Variants in KAZN observed in about 807,000 individuals in gnomAD.
The protein encoded by KAZN is kazrin, periplakin interacting protein, also known as kazrin.
A neutral mutation model predicts 87.4 loss-of-function variants in KAZN; 40 were observed. The observed-to-expected ratio is 0.46, with a 90% CI of 0.36 to 0.60. The LOEUF (loss-of-function observed/expected upper bound fraction) is 0.60, where lower values mean the gene tolerates loss of function less well. KAZN is among the 20% of genes least tolerant of loss of function. The pLI is 0.00. For synonymous variants in KAZN, 466 were observed against 458.3 expected (o/e 1.02, Z -0.22); for missense variants, 898 against 1,073.9 (o/e 0.84, Z 2.29).
intron 1 of KAZN, among the ~76,000 whole-genome samples, chr1:14,047,904 G>GGAAA (rs1177846699): frequency 1.3e-5 from 2 of 151,408 alleles, no homozygotes; most frequent in African/African-American, 2.4e-5. Context: ...AAAGAAGGAA[G>GGAAA]GAAAGAAAGA....
At chr1:14,474,731 T>C (rs979543503) in intron 2 of KAZN, among the ~76,000 whole-genome samples, 1 of 152,096 alleles carries the variant, frequency 6.6e-6, no homozygotes, top group Non-Finnish European at 1.5e-5. Flanking sequence ...AGCATGGAAG[T>C]AGGAATACCA....
intron 2 of KAZN, among the ~76,000 whole-genome samples, chr1:14,418,284 AT>A (rs1311424267): frequency 1.3e-5 from 2 of 152,130 alleles, no homozygotes; most frequent in South Asian, 4.1e-4. Context: ...CTGGCAGGCT[AT>A]CTAACCTCTC....
In KAZN at chr1:15,101,889, C is replaced by CCAT. The variant is rs1553190267; in HGVS notation, c.1779+117_1779+119dup. ...CCCGTCTATCCATCTGTCCACCCATCCATCCATCATCCAGCCATCCATTTA... is the reference window on the plus strand; with the variant it reads ...CCCGTCTATCCATCTGTCCACCCATCCATCATCCATCATCCAGCCATCCATTTA... On this transcript the variant is annotated intron_variant, in intron 11 of 14. Transcript: ENST00000376030. 3 of 688,340 alleles carry CCAT rather than the reference C, an allele frequency of 4.4e-6. No individual in the cohort carries two copies. In the East Asian group the frequency reaches 8.1e-5, roughly 19 times the overall value. 42.6% of individuals were successfully genotyped at this position (688,340 alleles called of 1,614,324 possible). A position where few individuals can be genotyped will look rare whatever the true frequency, so the allele number is the denominator to read the frequency against.
intron 2 of KAZN, among the ~76,000 whole-genome samples, chr1:14,269,266 A>G (rs1324142396): frequency 6.6e-6 from 1 of 152,090 alleles, no homozygotes; most frequent in Non-Finnish European, 1.5e-5. Context: ...ATTTCGTGGG[A>G]TGGGTGGTGA....
At chr1:14,836,207 C>T (rs1372810210) in intron 1 of KAZN, among the ~76,000 whole-genome samples, 2 of 152,142 alleles carry the variant, frequency 1.3e-5, no homozygotes, top group Admixed American at 1.3e-4. Context: ...ACTCCAGGTC[C>T]CCTGGGCAGG....
rs199730203 is a variant in KAZN, at chr1:15,056,546, G to T, written c.916+266G>T. Among the ~76,000 whole-genome samples, 1 of 103,338 alleles carries T rather than the reference G, an allele frequency of 9.7e-6. No individual in the cohort carries two copies. Among genetic ancestry groups the T allele is most frequent in the Non-Finnish European group, 2.1e-5 (1 of 46,770 alleles). The allele number at this position is 103,338 out of a possible 152,430, so 67.8% of individuals were successfully genotyped here. A position where few individuals can be genotyped will look rare whatever the true frequency, so the allele number is the denominator to read the frequency against. On this transcript the variant is annotated intron_variant, in intron 5 of 14. Coordinates refer to ENST00000376030, the MANE Select transcript of KAZN (RefSeq NM_201628.3). The surrounding 1 kb of genome is among the most constrained non-coding windows in gnomAD (Gnocchi z 5.4). ...CTCCTTTTGGCCTCATCTTCAGGCT[G>T]TCTCTTTCAGCAAGAAAGTAAAATA... is the stretch of plus-strand genomic sequence containing the variant.
intron 1 of KAZN, among the ~76,000 whole-genome samples, chr1:14,725,626 A>C (rs1430100245): frequency 6.6e-6 from 1 of 152,182 alleles, no homozygotes; most frequent in African/African-American, 2.4e-5. Flanking sequence ...CTAAGAGTGC[A>C]GGAGGGTGTT....
chr1:14,455,633 T>C (rs903320383), intron 2 of KAZN, among the ~76,000 whole-genome samples: 3 of 152,230 alleles, frequency 2.0e-5, no homozygotes, highest in African/African-American at 7.2e-5. Flanking sequence ...ACCTGGCATG[T>C]GGTGTTCCAG....
rs182217322 is a variant in KAZN at position 14,927,103 on chromosome 1, C to T, written c.227-33581C>T. ...TCCGCACCTGCTTCTGCCTCGATTG[C>T]GTTTTACTCTGAGATGTTCCACAAC... On this transcript the variant is annotated intron_variant, in intron 1 of 14. Coordinates refer to ENST00000376030, the MANE Select transcript of KAZN (RefSeq NM_201628.3). Among the ~76,000 whole-genome samples, 407 of 152,284 alleles carry T rather than the reference C, an allele frequency of 2.7e-3. 2 individuals are homozygous for T. The highest frequency in any genetic ancestry group is 0.012 in the South Asian group (56 of 4,824).
chr1:14,456,403 A>G (rs1667568792), intron 2 of KAZN, among the ~76,000 whole-genome samples: 1 of 152,190 alleles, frequency 6.6e-6, no homozygotes, highest in Non-Finnish European at 1.5e-5. Context: ...TAGATATTCG[A>G]AAAATATTTG....
chr1:14,431,329 A>C (rs981506110), intron 2 of KAZN, among the ~76,000 whole-genome samples: 2 of 152,222 alleles, frequency 1.3e-5, no homozygotes, highest in Non-Finnish European at 1.5e-5. Flanking sequence ...AATTTATCCA[A>C]GCCCAAATAG....
intron 1 of KAZN, among the ~76,000 whole-genome samples, chr1:14,858,203 C>CTTT (rs1388659468): frequency 1.5e-4 from 14 of 95,090 alleles, no homozygotes; most frequent in African/African-American, 6.4e-4. Flanking sequence ...TTTCTTTTTT[C>CTTT]TTTTTCTTTT....
At position 14,387,689 on chromosome 1, in the gene KAZN, G is replaced by A. The variant is rs1028895044; in HGVS notation, c.249+207097G>A. 2.9e-3 allele frequency among the ~76,000 whole-genome samples: 435 copies of A among 151,948 alleles called. 1 individual carries two copies. Among genetic ancestry groups the A allele is most frequent in the African/African-American group, 9.3e-3 (384 of 41,432 alleles). ...TGCCCGTTCTCAGATCTCCAGCTGC[G>A]TGCTGGGAGAACCACTGCTCTCTTC... On this transcript the variant is annotated intron_variant, in intron 2 of 16. Transcript: ENST00000636203.
chr1:14,443,049 C>T (rs1193575715), intron 2 of KAZN, among the ~76,000 whole-genome samples: 2 of 152,150 alleles, frequency 1.3e-5, no homozygotes, highest in Non-Finnish European at 2.9e-5. Flanking sequence ...TTTCTCTGGT[C>T]CCCATTTCTC....
intron 2 of KAZN, among the ~76,000 whole-genome samples, chr1:14,312,147 GA>G (rs3831909): frequency 0.48 from 73,609 of 151,832 alleles, 19,018 homozygotes; most frequent in African/African-American, 0.67. Flanking sequence ...GAGAATACAG[GA>G]AAAAATAAAT....
chr1:14,565,685 A>G (rs1296849096), intron 2 of KAZN, among the ~76,000 whole-genome samples: 1 of 152,236 alleles, frequency 6.6e-6, no homozygotes, highest in Non-Finnish European at 1.5e-5. Flanking sequence ...AAGTTTATGT[A>G]ATATTCAAAA....
At chr1:15,089,480 G>A (rs1352302870) in intron 8 of KAZN, among the ~76,000 whole-genome samples, 1 of 152,178 alleles carries the variant, frequency 6.6e-6, no homozygotes, top group Non-Finnish European at 1.5e-5. Flanking sequence ...TGGGAAGGAA[G>A]TGGCTGCAGC....
chr1:14,573,017 A>T (rs981699730), intron 2 of KAZN, among the ~76,000 whole-genome samples: 4 of 152,298 alleles, frequency 2.6e-5, no homozygotes, highest in Admixed American at 6.5e-5. Context: ...GATGTAACAG[A>T]CCAGAAAAAT....
At chr1:14,201,283 C>A (rs192955479) in intron 2 of KAZN, among the ~76,000 whole-genome samples, 4 of 152,316 alleles carry the variant, frequency 2.6e-5, no homozygotes, top group Admixed American at 2.0e-4. Context: ...AACTCCAACT[C>A]AAAGTTTCTC....
Sources: gnomAD v4.1 joint callset for allele counts (sites outside exome capture counted in the v4.1 genomes callset) on GRCh38, gnomAD v4.1.1 for gene constraint, Gnocchi (gnomAD v3.1) non-coding constraint, MANE v1.5 for transcripts, NCBI Gene and HGNC (gene_info 2026-07-23, HGNC 2026-07-21) for gene names.